Variants in ANO2 observed in about 807,000 individuals in gnomAD.
ANO2 encodes the protein anoctamin 2.
Under a neutral mutation model 124.2 loss-of-function variants are expected in ANO2, and 101 were observed. The observed-to-expected ratio is 0.81, with a 90% CI of 0.69 to 0.96. The LOEUF (loss-of-function observed/expected upper bound fraction) is 0.96. Ranked by LOEUF, ANO2 falls within the 40% of genes least tolerant of loss-of-function variation. The pLI, the probability that ANO2 is intolerant of heterozygous loss-of-function variation, is 0.00. For missense variants in ANO2, 1,293 were observed against 1,274.5 expected, an observed-to-expected ratio of 1.01 and a Z score of -0.22; for synonymous variants, 486 against 482.5, an observed-to-expected ratio of 1.01 and a Z score of -0.09.
intron 14 of ANO2, among the ~76,000 whole-genome samples, chr12:5,705,511 A>G (rs1949574829): frequency 6.6e-6 from 1 of 152,202 alleles, no homozygotes; most frequent in African/African-American, 2.4e-5. Flanking sequence ...ACCCTCTGCC[A>G]GATGTACTCA....
intron 10 of ANO2, among the ~76,000 whole-genome samples, chr12:5,793,229 A>G (rs1186187268): frequency 6.6e-6 from 1 of 152,200 alleles, no homozygotes; most frequent in African/African-American, 2.4e-5. Context: ...ATGACTTCCT[A>G]TGGGCTAGAT....
chr12:5,600,448 T>G (rs1456870630), intron 19 of ANO2, among the ~76,000 whole-genome samples: 4 of 152,222 alleles, frequency 2.6e-5, no homozygotes, highest in Non-Finnish European at 5.9e-5. Flanking sequence ...CTAAGACAAC[T>G]ACATTCAGGA....
rs865884182 is a variant in ANO2, at chr12:5,928,579, C to T, written c.23-5775G>A. Among the ~76,000 whole-genome samples, 6 of 151,114 alleles carry T rather than the reference C, an allele frequency of 4.0e-5. No individual in the cohort carries two copies. In the South Asian group the frequency reaches 1.3e-3, roughly 32 times the overall value. On this transcript the variant is annotated intron_variant, in intron 1 of 24. Transcript: ENST00000682330. ...TATTAGTCACTTTCTTACCAGTCTT[C>T]CTTCCTTACTAGTCTATCTTCTTTC... is the stretch of plus-strand genomic sequence containing the variant.
intron 14 of ANO2, among the ~76,000 whole-genome samples, chr12:5,683,609 T>C (rs1948589575): frequency 6.6e-6 from 1 of 152,148 alleles, no homozygotes; most frequent in Admixed American, 6.5e-5. Flanking sequence ...CACATGTCCA[T>C]GTCCTAATTT....
intron 10 of ANO2, among the ~76,000 whole-genome samples, chr12:5,757,454 A>G (rs1001191382): frequency 1.3e-5 from 2 of 152,232 alleles, no homozygotes; most frequent in African/African-American, 2.4e-5. Context: ...GAAAAGTACA[A>G]TCTACCAAGG....
At chr12:5,816,647 A>G (rs1446390169) in intron 7 of ANO2, among the ~76,000 whole-genome samples, 1 of 152,174 alleles carries the variant, frequency 6.6e-6, no homozygotes, top group African/African-American at 2.4e-5. Flanking sequence ...CAAGTCACGT[A>G]TCCTCTTTGT....
chr12:5,810,221 A>T (rs1000988889), intron 7 of ANO2, among the ~76,000 whole-genome samples: 1 of 152,106 alleles, frequency 6.6e-6, no homozygotes, highest in Non-Finnish European at 1.5e-5. Context: ...GAGGAGGAGG[A>T]ATGGGGCAGG....
At chr12:5,731,184 G>A (rs1357352286) in intron 14 of ANO2, among the ~76,000 whole-genome samples, 1 of 152,186 alleles carries the variant, frequency 6.6e-6, no homozygotes, top group South Asian at 2.1e-4. Context: ...CGGCGTTGCC[G>A]AAGCTGACAG....
intron 14 of ANO2, 25 bp downstream of exon 14, chr12:5,732,495 G>C (rs189798797): frequency 2.3e-5 from 37 of 1,584,404 alleles, no homozygotes; most frequent in Non-Finnish European, 3.2e-5. Flanking sequence ...AAAGAGGACC[G>C]TGAGCAGCAA....
chr12:5,666,916 C>A (rs1197576968), intron 14 of ANO2, among the ~76,000 whole-genome samples: 1 of 152,194 alleles, frequency 6.6e-6, no homozygotes, highest in African/African-American at 2.4e-5. Context: ...ATCAGGTCTA[C>A]CCCCAGAAGG....
At chr12:5,699,573 A>T (rs1453654085) in intron 14 of ANO2, among the ~76,000 whole-genome samples, 3 of 152,146 alleles carry the variant, frequency 2.0e-5, no homozygotes, top group African/African-American at 7.2e-5. Context: ...TAATGACAGG[A>T]TCAAATTCAC....
chr12:5,610,723 C>CATATATATATATATATATATATATAT (rs377499491), intron 19 of ANO2, among the ~76,000 whole-genome samples: 2 of 116,898 alleles, frequency 1.7e-5, no homozygotes, highest in African/African-American at 3.4e-5. Flanking sequence ...CACATATATA[C>CATATATATATATATATATATATATAT]ATATATATAT....
chr12:5,601,005 A>G (rs548944112), intron 19 of ANO2, among the ~76,000 whole-genome samples: 1 of 152,304 alleles, frequency 6.6e-6, no homozygotes, highest in African/African-American at 2.4e-5. Flanking sequence ...TAATATTCCT[A>G]TTTCCTATCA....
intron 14 of ANO2, among the ~76,000 whole-genome samples, chr12:5,708,126 C>T (rs1949683323): frequency 6.6e-6 from 1 of 152,190 alleles, no homozygotes; most frequent in Non-Finnish European, 1.5e-5. Context: ...AAACTAGACA[C>T]CTACACGTGG....
intron 9 of ANO2, among the ~76,000 whole-genome samples, chr12:5,804,227 T>C (rs985248856): frequency 2.6e-5 from 4 of 152,214 alleles, no homozygotes; most frequent in East Asian, 1.9e-4. Context: ...CAGGATATGT[T>C]GTAGGCACCA....
chr12:5,907,097 G>A (rs1401165264), intron 3 of ANO2, among the ~76,000 whole-genome samples: 5 of 152,160 alleles, frequency 3.3e-5, no homozygotes, highest in Admixed American at 3.3e-4. Flanking sequence ...TGCTAGCTAA[G>A]CTTCCTTCTC....
chr12:5,626,755 C>A (rs1945429797), intron 16 of ANO2, among the ~76,000 whole-genome samples: 1 of 152,142 alleles, frequency 6.6e-6, no homozygotes, highest in South Asian at 2.1e-4. Flanking sequence ...ATTCATCCTG[C>A]AAGAGCTGCA....
chr12:5,850,905 G>T (rs1954870859), intron 4 of ANO2, among the ~76,000 whole-genome samples: 1 of 152,202 alleles, frequency 6.6e-6, no homozygotes, highest in South Asian at 2.1e-4. Flanking sequence ...CACAGCACTG[G>T]TTAAGAATCA....
intron 7 of ANO2, among the ~76,000 whole-genome samples, chr12:5,817,246 T>C (rs1320948722): frequency 6.6e-6 from 1 of 152,206 alleles, no homozygotes; most frequent in Non-Finnish European, 1.5e-5. Context: ...GCAAGATAGA[T>C]ATTATTATCC....
Sources: gnomAD v4.1 joint callset for allele counts (sites outside exome capture counted in the v4.1 genomes callset) on GRCh38, gnomAD v4.1.1 for gene constraint, MANE v1.5 for transcripts, NCBI Gene and HGNC (gene_info 2026-07-23, HGNC 2026-07-21) for gene names.